Variants in MECOM observed in about 807,000 individuals in gnomAD.
MECOM encodes the protein histone-lysine N-methyltransferase MECOM.
Under a neutral mutation model 116.3 loss-of-function variants are expected in MECOM, and 13 were observed. The ratio of observed to expected loss-of-function variants is 0.11; its 90% CI spans 0.07 to 0.18. The LOEUF (loss-of-function observed/expected upper bound fraction) is 0.18. Ranked by LOEUF, MECOM falls within the 10% of genes least tolerant of loss-of-function variation. The pLI, the probability that MECOM is intolerant of heterozygous loss-of-function variation, is 1.00. For synonymous variants in MECOM, 528 were observed against 535.2 expected, an observed-to-expected ratio of 0.99 and a Z score of 0.19; for missense variants, 1,299 against 1,509.0, an observed-to-expected ratio of 0.86 and a Z score of 2.31.
At chr3:169,657,893 G>T (rs1305054869) in intron 1 of MECOM, among the ~76,000 whole-genome samples, 1 of 152,178 alleles carries the variant, frequency 6.6e-6, no homozygotes, top group Non-Finnish European at 1.5e-5. Flanking sequence ...ATTTCCTGGA[G>T]GGGCTGGGGA....
intron 1 of MECOM, among the ~76,000 whole-genome samples, chr3:169,425,702 T>C (rs549859792): frequency 9.2e-5 from 14 of 152,274 alleles, no homozygotes; most frequent in African/African-American, 3.4e-4. Flanking sequence ...TCTTAGCCAC[T>C]TTATTTTGCT....
At chr3:169,547,624 G>A (rs1393307046) in intron 1 of MECOM, among the ~76,000 whole-genome samples, 3 of 152,130 alleles carry the variant, frequency 2.0e-5, no homozygotes, top group African/African-American at 7.2e-5. Flanking sequence ...AAAAAGATAT[G>A]TTCAAGTCCT....
intron 9 of MECOM, among the ~76,000 whole-genome samples, chr3:169,109,093 G>C (rs4955640): frequency 0.63 from 95,978 of 152,076 alleles, 30,466 homozygotes; most frequent in Admixed American, 0.68. Flanking sequence ...TGAATGCAAA[G>C]GATCCAAAAT....
At chr3:169,383,922 G>T (rs995793205) in intron 1 of MECOM, among the ~76,000 whole-genome samples, 1 of 152,054 alleles carries the variant, frequency 6.6e-6, no homozygotes, top group Admixed American at 6.6e-5. Context: ...ACCTCTGCCC[G>T]ACAAACTTCT....
chr3:169,191,778 G>GA (rs1192463406), intron 2 of MECOM, among the ~76,000 whole-genome samples: 2 of 138,860 alleles, frequency 1.4e-5, no homozygotes, highest in Non-Finnish European at 3.1e-5. Context: ...AAGAAAGAAA[G>GA]AAAGAAAGAA....
intron 1 of MECOM, among the ~76,000 whole-genome samples, chr3:169,529,040 G>GT (rs1049512079): frequency 2.0e-5 from 3 of 152,052 alleles, no homozygotes; most frequent in Admixed American, 6.5e-5. Context: ...GGCAAACACA[G>GT]TTTTTTAAAA....
At chr3:169,220,700 C>A (rs1358226729) in intron 2 of MECOM, among the ~76,000 whole-genome samples, 1 of 152,140 alleles carries the variant, frequency 6.6e-6, no homozygotes, top group Non-Finnish European at 1.5e-5. Context: ...GTCTCAAACT[C>A]CTGACATCAG....
chr3:169,307,284 A>G (rs372838673), intron 2 of MECOM, among the ~76,000 whole-genome samples: 1 of 152,306 alleles, frequency 6.6e-6, no homozygotes. Flanking sequence ...GCCCCCTTCA[A>G]TAGCTTCTCC....
At chr3:169,366,465 A>T (rs1429745571) in intron 2 of MECOM, among the ~76,000 whole-genome samples, 1 of 151,790 alleles carries the variant, frequency 6.6e-6, no homozygotes, top group African/African-American at 2.4e-5. Flanking sequence ...ACATAAGGAG[A>T]CTCATACTCA....
At chr3:169,378,080 A>G (rs115614905) in intron 2 of MECOM, among the ~76,000 whole-genome samples, 2,264 of 151,796 alleles carry the variant, frequency 0.015, 66 homozygotes, top group African/African-American at 0.052. Context: ...AAACAGAAAA[A>G]CAAACAGCGC....
intron 2 of MECOM, among the ~76,000 whole-genome samples, chr3:169,181,401 C>A (rs1048414600): frequency 2.6e-5 from 4 of 152,154 alleles, no homozygotes; most frequent in Non-Finnish European, 5.9e-5. Flanking sequence ...CTGGACAATG[C>A]AGATATAGAA....
intron 2 of MECOM, among the ~76,000 whole-genome samples, chr3:169,356,494 A>T (rs1727302172): frequency 1.3e-5 from 2 of 151,918 alleles, no homozygotes; most frequent in South Asian, 4.1e-4. Context: ...GGGTACCGCG[A>T]TAACATCTGC....
intron 1 of MECOM, among the ~76,000 whole-genome samples, chr3:169,533,298 T>C (rs1758883907): frequency 1.3e-5 from 2 of 152,220 alleles, no homozygotes; most frequent in African/African-American, 4.8e-5. Context: ...TTCTGATTTA[T>C]CATTTTTACA....
At chr3:169,403,974 A>C (rs1035452724) in intron 1 of MECOM, among the ~76,000 whole-genome samples, 5 of 152,184 alleles carry the variant, frequency 3.3e-5, no homozygotes, top group African/African-American at 9.7e-5. Context: ...GAAAACCCAA[A>C]ATGGAAGATA....
chr3:169,199,976 T>C (rs1393749476), intron 2 of MECOM, among the ~76,000 whole-genome samples: 1 of 152,054 alleles, frequency 6.6e-6, no homozygotes, highest in Non-Finnish European at 1.5e-5. Flanking sequence ...ACTCTGCTTA[T>C]GTTTTTAAAG....
intron 6 of MECOM, among the ~76,000 whole-genome samples, chr3:169,121,920 C>T (rs780864588): frequency 7.3e-5 from 11 of 151,368 alleles, no homozygotes; most frequent in Non-Finnish European, 1.5e-4. Flanking sequence ...TATTAAAATG[C>T]TAGGAAATGT....
intron 2 of MECOM, among the ~76,000 whole-genome samples, chr3:169,373,540 T>C (rs143118718): frequency 8.5e-4 from 129 of 152,148 alleles, no homozygotes; most frequent in African/African-American, 2.9e-3. Context: ...TAACGGCTAA[T>C]GACGTGGGGC....
intron 2 of MECOM, among the ~76,000 whole-genome samples, chr3:169,273,606 C>T (rs991559635): frequency 1.8e-4 from 28 of 152,132 alleles, no homozygotes; most frequent in Non-Finnish European, 1.5e-4. Context: ...GGGAATGCTA[C>T]GGTTTCTCTA....
intron 1 of MECOM, among the ~76,000 whole-genome samples, chr3:169,645,696 A>G (rs1774091181): frequency 1.3e-5 from 2 of 152,238 alleles, no homozygotes; most frequent in African/African-American, 2.4e-5. Flanking sequence ...ATCATTATCT[A>G]GTTTAAAGAC....
Sources: gnomAD v4.1 joint callset for allele counts (sites outside exome capture counted in the v4.1 genomes callset) on GRCh38, gnomAD v4.1.1 for gene constraint, MANE v1.5 for transcripts, NCBI Gene and HGNC (gene_info 2026-07-23, HGNC 2026-07-21) for gene names.